Variants in CNTNAP2 observed in about 807,000 individuals in gnomAD.
The protein encoded by CNTNAP2 is contactin-associated protein-like 2.
CNTNAP2 carries 98 observed loss-of-function variants against 155.2 expected under a neutral mutation model. That is an observed-to-expected ratio of 0.63 (90% CI 0.54 to 0.75). The LOEUF (loss-of-function observed/expected upper bound fraction) is 0.75, where lower values mean the gene tolerates loss of function less well. CNTNAP2 is among the 30% of genes least tolerant of loss of function. CNTNAP2 has a pLI of 0.00. For missense variants in CNTNAP2, 1,727 were observed against 1,688.1 expected, an observed-to-expected ratio of 1.02 and a Z score of -0.40; for synonymous variants, 651 against 631.2, an observed-to-expected ratio of 1.03 and a Z score of -0.47.
intron 15 of CNTNAP2, among the ~76,000 whole-genome samples, chr7:147,986,501 G>A (rs999007474): frequency 2.6e-5 from 4 of 152,168 alleles, no homozygotes; most frequent in Non-Finnish European, 4.4e-5. Context: ...CAGTGGAAGC[G>A]TCTTAGAGAT....
At chr7:148,118,434 T>G (rs1804524413) in intron 16 of CNTNAP2, 146 bp downstream of exon 16, 3 of 890,552 alleles carry the variant, frequency 3.4e-6, no homozygotes, top group South Asian at 1.5e-5. Flanking sequence ...CACACAAGCC[T>G]GAGTTTGGGC....
At chr7:146,454,893 A>G (rs901846724) in intron 1 of CNTNAP2, among the ~76,000 whole-genome samples, 1 of 152,150 alleles carries the variant, frequency 6.6e-6, no homozygotes, top group Non-Finnish European at 1.5e-5. Flanking sequence ...ATTGTATTAT[A>G]CTTTTCCCTC....
intron 21 of CNTNAP2, among the ~76,000 whole-genome samples, chr7:148,382,006 G>T (rs1444944482): frequency 6.6e-6 from 1 of 152,214 alleles, no homozygotes; most frequent in Admixed American, 6.5e-5. Flanking sequence ...TTGTGACCCT[G>T]CTGCCTTACA....
At chr7:147,737,184 C>T (rs577680798) in intron 13 of CNTNAP2, among the ~76,000 whole-genome samples, 11 of 152,234 alleles carry the variant, frequency 7.2e-5, no homozygotes, top group African/African-American at 9.6e-5. Context: ...ATGATGGTGA[C>T]GTACAGGTGG....
intron 9 of CNTNAP2, among the ~76,000 whole-genome samples, chr7:147,357,752 C>T (rs2116890275): frequency 6.6e-6 from 1 of 152,046 alleles, no homozygotes; most frequent in Middle Eastern, 3.4e-3. Flanking sequence ...GTTATAATTT[C>T]CTCCCTCTAA....
intron 21 of CNTNAP2, among the ~76,000 whole-genome samples, chr7:148,321,647 T>C (rs1318664369): frequency 6.6e-6 from 1 of 152,158 alleles, no homozygotes; most frequent in Non-Finnish European, 1.5e-5. Context: ...AAAAGAGCAG[T>C]CTCTTGACAT....
At chr7:148,088,668 A>C (rs527690518) in intron 15 of CNTNAP2, among the ~76,000 whole-genome samples, 1 of 152,126 alleles carries the variant, frequency 6.6e-6, no homozygotes, top group Admixed American at 6.5e-5. Flanking sequence ...TTAAATCAAT[A>C]AAAAGCCTCC....
At chr7:146,488,559 A>T (rs1389596860) in intron 1 of CNTNAP2, among the ~76,000 whole-genome samples, 2 of 151,834 alleles carry the variant, frequency 1.3e-5, no homozygotes, top group Non-Finnish European at 2.9e-5. Flanking sequence ...CCTTCTCTTC[A>T]TTCAACCATT....
chr7:147,032,716 A>T (rs1027544054), intron 3 of CNTNAP2, among the ~76,000 whole-genome samples: 1 of 152,170 alleles, frequency 6.6e-6, no homozygotes, highest in Non-Finnish European at 1.5e-5. Context: ...AAAGAGAGAA[A>T]AAAAGGAGAG....
At chr7:147,180,089 A>T (rs182868055) in intron 8 of CNTNAP2, among the ~76,000 whole-genome samples, 465 of 152,234 alleles carry the variant, frequency 3.1e-3, no homozygotes, top group Non-Finnish European at 3.6e-3. Flanking sequence ...GTCCTGAAAG[A>T]GGGAGGCAGG....
chr7:148,012,276 T>C (rs890552794), intron 15 of CNTNAP2, among the ~76,000 whole-genome samples: 3 of 152,228 alleles, frequency 2.0e-5, no homozygotes, highest in Non-Finnish European at 2.9e-5. Flanking sequence ...TCCCCAGCTA[T>C]ACCTTAAAAA....
chr7:146,305,310 CGTT>C (rs1449689571), intron 1 of CNTNAP2, among the ~76,000 whole-genome samples: 1 of 152,102 alleles, frequency 6.6e-6, no homozygotes, highest in East Asian at 1.9e-4. Flanking sequence ...AGTTTTGTTC[CGTT>C]GCTGGCGAGG....
intron 3 of CNTNAP2, chr7:146,915,989 T>A (rs943255284): frequency 6.6e-6 from 1 of 152,108 alleles, no homozygotes; most frequent in African/African-American, 2.4e-5. Context: ...TTAAGGTATG[T>A]CCTTCTATGC....
chr7:147,709,857 C>G (rs1280241804), intron 13 of CNTNAP2, among the ~76,000 whole-genome samples: 1 of 152,026 alleles, frequency 6.6e-6, no homozygotes, highest in Non-Finnish European at 1.5e-5. Context: ...CCCAGAAAGC[C>G]CAGTGTACAA....
intron 1 of CNTNAP2, among the ~76,000 whole-genome samples, chr7:146,631,857 G>T (rs1211848621): frequency 6.6e-6 from 1 of 151,920 alleles, no homozygotes; most frequent in Non-Finnish European, 1.5e-5. Context: ...CTCTTTTGTT[G>T]TTGTTCTCCC....
At chr7:146,722,096 G>T (rs1801347234) in intron 1 of CNTNAP2, among the ~76,000 whole-genome samples, 1 of 151,032 alleles carries the variant, frequency 6.6e-6, no homozygotes, top group African/African-American at 2.5e-5. Context: ...CACCATGTTG[G>T]CCAGGCTGGT....
At chr7:147,926,414 C>T (rs186229710) in intron 14 of CNTNAP2, among the ~76,000 whole-genome samples, 16 of 152,276 alleles carry the variant, frequency 1.1e-4, no homozygotes, top group African/African-American at 3.8e-4. Context: ...AAGGTACATT[C>T]TATAAAACTG....
At chr7:147,407,691 A>G (rs903530745) in intron 10 of CNTNAP2, among the ~76,000 whole-genome samples, 1 of 152,186 alleles carries the variant, frequency 6.6e-6, no homozygotes, top group Non-Finnish European at 1.5e-5. Context: ...TTCACAAGAA[A>G]TGTTAAAACT....
At chr7:146,461,531 T>G (rs191418970) in intron 1 of CNTNAP2, among the ~76,000 whole-genome samples, 13 of 152,308 alleles carry the variant, frequency 8.5e-5, no homozygotes, top group Admixed American at 8.5e-4. Flanking sequence ...GCAAAAATCT[T>G]TAAATTTTTA....
Sources: allele counts gnomAD v4.1 joint callset (sites outside exome capture counted in the v4.1 genomes callset), GRCh38; gene constraint gnomAD v4.1.1; transcripts MANE v1.5; gene names NCBI Gene and HGNC (gene_info 2026-07-23, HGNC 2026-07-21).